NEGR1: variants seen among roughly 807,000 people sequenced by gnomAD.
NEGR1 encodes neuronal growth regulator 1, also known as IgLON family member 4.
A neutral mutation model predicts 40.9 loss-of-function variants in NEGR1; 10 were observed. That is an observed-to-expected ratio of 0.24 (90% CI 0.15 to 0.42). NEGR1 has a LOEUF of 0.42. NEGR1 is among the 10% of genes least tolerant of loss of function. The pLI is 1.00. For synonymous variants in NEGR1, 185 were observed against 166.8 expected, an observed-to-expected ratio of 1.11 and a Z score of -0.84; for missense variants, 352 against 438.9, an observed-to-expected ratio of 0.80 and a Z score of 1.77.
At chr1:71,868,907 C>T (rs1333637040) in intron 2 of NEGR1, among the ~76,000 whole-genome samples, 1 of 152,090 alleles carries the variant, frequency 6.6e-6, no homozygotes, top group Admixed American at 6.6e-5. Context: ...TATGTACATA[C>T]TGGAAAACAG....
At position 72,019,003 on chromosome 1, in the gene NEGR1, G is replaced by C. The variant is rs566383764; in HGVS notation, c.177-83692C>G. Among the ~76,000 whole-genome samples, 520 of 152,204 alleles carry C rather than the reference G, an allele frequency of 3.4e-3. 2 individuals are homozygous for C. The highest frequency in any genetic ancestry group is 5.9e-3 in the Non-Finnish European group (401 of 68,014). ...AATGTGGAGGAACATGAGGGCTTTG[G>C]GGGGATGGTCACATTGGAAATCAAG... On this transcript the variant is annotated intron_variant, in intron 1 of 6. Transcript: ENST00000357731.
rs75663803 is a variant in NEGR1, at chr1:72,082,610, G to A, written c.177-147299C>T. Among the ~76,000 whole-genome samples, 5 of 151,476 alleles carry A rather than the reference G, an allele frequency of 3.3e-5. No homozygotes were observed. In the East Asian group the frequency reaches 5.9e-4, roughly 18 times the overall value. On this transcript the variant is annotated intron_variant, in intron 1 of 6. Transcript: ENST00000357731. Reference sequence around the variant, plus strand: ...TGTTTCTTCAGCAAAACTTTTCCCTGGATTATTCACTGATAAGAATGAACA... The same window carrying A: ...TGTTTCTTCAGCAAAACTTTTCCCTAGATTATTCACTGATAAGAATGAACA...
chr1:71,598,010 C>T (rs930904264), intron 5 of NEGR1, among the ~76,000 whole-genome samples: 23 of 152,168 alleles, frequency 1.5e-4, no homozygotes, highest in Middle Eastern at 6.8e-3. Context: ...TTGAAATGTA[C>T]GTATCAACAA....
intron 2 of NEGR1, among the ~76,000 whole-genome samples, chr1:71,779,642 A>T (rs1049494823): frequency 2.0e-5 from 3 of 151,764 alleles, no homozygotes; most frequent in Non-Finnish European, 4.4e-5. Flanking sequence ...ATCTCCGCTC[A>T]CTGCAACTCC....
intron 6 of NEGR1, among the ~76,000 whole-genome samples, chr1:71,457,019 T>G (rs1557532566): frequency 6.6e-6 from 1 of 152,162 alleles, no homozygotes; most frequent in Non-Finnish European, 1.5e-5. Context: ...GGGATTGGTG[T>G]CTGTGGAAAT....
intron 5 of NEGR1, among the ~76,000 whole-genome samples, chr1:71,595,826 C>T (rs1189332069): frequency 6.6e-6 from 1 of 152,042 alleles, no homozygotes; most frequent in Non-Finnish European, 1.5e-5. Context: ...GAAGCTCCAG[C>T]ATATATGACC....
intron 6 of NEGR1, among the ~76,000 whole-genome samples, chr1:71,444,994 G>A (rs974744195): frequency 1.3e-5 from 2 of 152,126 alleles, no homozygotes; most frequent in African/African-American, 4.8e-5. Context: ...TTCTCATGGA[G>A]TTTACATTCT....
chr1:72,270,934 G>A (rs1655822096), intron 1 of NEGR1, among the ~76,000 whole-genome samples: 1 of 151,812 alleles, frequency 6.6e-6, no homozygotes, highest in African/African-American at 2.4e-5. Flanking sequence ...AAAAAAAGCA[G>A]CATAAAATTA....
At chr1:72,079,867 T>C (rs879580661) in intron 1 of NEGR1, among the ~76,000 whole-genome samples, 1 of 152,108 alleles carries the variant, frequency 6.6e-6, no homozygotes, top group Non-Finnish European at 1.5e-5. Flanking sequence ...ATATTTGTTA[T>C]ATTAAAAAAT....
intron 6 of NEGR1, among the ~76,000 whole-genome samples, chr1:71,566,965 A>G (rs1648641611): frequency 6.6e-6 from 1 of 151,934 alleles, no homozygotes; most frequent in Non-Finnish European, 1.5e-5. Context: ...CCTTTTTATG[A>G]TCTGTTCACC....
At chr1:72,245,031 G>A (rs990001700) in intron 1 of NEGR1, among the ~76,000 whole-genome samples, 2 of 151,998 alleles carry the variant, frequency 1.3e-5, no homozygotes, top group Admixed American at 6.6e-5. Flanking sequence ...TTTATAGTAC[G>A]AGAGTTGAAA....
chr1:71,951,080 T>C (rs7528016), intron 1 of NEGR1, among the ~76,000 whole-genome samples: 18,305 of 151,930 alleles, frequency 0.12, 1,584 homozygotes, highest in East Asian at 0.43. Context: ...ATAAAATAAA[T>C]ATAAGATTTT....
intron 1 of NEGR1, among the ~76,000 whole-genome samples, chr1:72,211,765 A>T (rs1334181163): frequency 2.6e-5 from 4 of 151,040 alleles, no homozygotes; most frequent in African/African-American, 7.3e-5. Context: ...GATGTTCTAA[A>T]TTTTTTTTTA....
chr1:71,812,778 T>C (rs1658051966), intron 2 of NEGR1, among the ~76,000 whole-genome samples: 1 of 152,092 alleles, frequency 6.6e-6, no homozygotes, highest in African/African-American at 2.4e-5. Flanking sequence ...GTAAATTTGT[T>C]TAAAGTCCTT....
At chr1:71,465,608 A>G (rs115241836) in intron 6 of NEGR1, among the ~76,000 whole-genome samples, 1,750 of 152,182 alleles carry the variant, frequency 0.011, 32 homozygotes, top group African/African-American at 0.04. Context: ...TACAAGACTC[A>G]ACTTAGTATA....
intron 1 of NEGR1, among the ~76,000 whole-genome samples, chr1:72,055,417 G>C (rs554215269): frequency 1.8e-4 from 27 of 151,096 alleles, no homozygotes; most frequent in African/African-American, 6.1e-4. Flanking sequence ...GATTTACAAT[G>C]CTGCTTAACT....
intron 1 of NEGR1, among the ~76,000 whole-genome samples, chr1:72,139,114 A>G (rs917529636): frequency 2.0e-5 from 3 of 151,844 alleles, no homozygotes; most frequent in African/African-American, 7.3e-5. Context: ...AAAAAAATCA[A>G]AGGTGAATTA....
chr1:71,597,246 G>C (rs1349703794), intron 5 of NEGR1, among the ~76,000 whole-genome samples: 2 of 151,920 alleles, frequency 1.3e-5, no homozygotes, highest in Non-Finnish European at 2.9e-5. Flanking sequence ...ACGATTAAAT[G>C]CCTTCTATGC....
chr1:71,791,798 T>C (rs1269801869), intron 2 of NEGR1, among the ~76,000 whole-genome samples: 1 of 151,982 alleles, frequency 6.6e-6, no homozygotes, highest in East Asian at 1.9e-4. Flanking sequence ...TAACTTTAAT[T>C]GGAAGTAGGT....
Sources: allele counts gnomAD v4.1 joint callset (sites outside exome capture counted in the v4.1 genomes callset), GRCh38; gene constraint gnomAD v4.1.1; transcripts MANE v1.5; gene names NCBI Gene and HGNC (gene_info 2026-07-23, HGNC 2026-07-21).